Variants in COL24A1 observed in about 807,000 individuals in gnomAD.
COL24A1 encodes collagen alpha-1(XXIV) chain.
COL24A1 carries 224 observed loss-of-function variants against 253.9 expected under a neutral mutation model. The ratio of observed to expected loss-of-function variants is 0.88; its 90% CI spans 0.79 to 0.99. The LOEUF is 0.99. Ranked by LOEUF, COL24A1 falls within the 50% of genes least tolerant of loss-of-function variation. COL24A1 has a pLI of 0.00. For synonymous variants in COL24A1, 685 were observed against 673.7 expected (o/e 1.02, Z -0.26); for missense variants, 2,131 against 2,068.5 (o/e 1.03, Z -0.59).
At chr1:85,891,304 T>G (rs905542884) in intron 31 of COL24A1, among the ~76,000 whole-genome samples, 3 of 151,254 alleles carry the variant, frequency 2.0e-5, no homozygotes, top group Admixed American at 2.0e-4. Flanking sequence ...GACCTCGTGA[T>G]CCACCCGCCT....
At chr1:85,949,791 T>C (rs1212917987) in intron 24 of COL24A1, among the ~76,000 whole-genome samples, 3 of 152,102 alleles carry the variant, frequency 2.0e-5, no homozygotes, top group African/African-American at 7.2e-5. Context: ...AATTCAATGA[T>C]CTCCTTACGC....
At chr1:86,019,937 T>C (rs1463709913) in intron 18 of COL24A1, among the ~76,000 whole-genome samples, 1 of 152,178 alleles carries the variant, frequency 6.6e-6, no homozygotes, top group Non-Finnish European at 1.5e-5. Context: ...TCTCTGCCTT[T>C]TCTTTAGCTT....
intron 14 of COL24A1, among the ~76,000 whole-genome samples, chr1:86,029,431 T>G (rs1247237200): frequency 6.6e-6 from 1 of 152,208 alleles, no homozygotes; most frequent in Admixed American, 6.5e-5. Context: ...TTATTACTAC[T>G]ACTACAAATC....
intron 7 of COL24A1, among the ~76,000 whole-genome samples, chr1:86,077,231 CAT>C (rs1702314179): frequency 6.6e-6 from 1 of 152,062 alleles, no homozygotes; most frequent in African/African-American, 2.4e-5. Context: ...AGCCAACACA[CAT>C]ATGAAAAAAA....
chr1:86,049,821 T>A (rs1305790922), intron 11 of COL24A1, among the ~76,000 whole-genome samples: 1 of 152,168 alleles, frequency 6.6e-6, no homozygotes, highest in Non-Finnish European at 1.5e-5. Flanking sequence ...CATATACTTT[T>A]GTAATTCATT....
Position 85,939,830 on chromosome 1 carries a change from T to A in COL24A1, c.2562+21419A>T, listed in dbSNP as rs147666749. Among the ~76,000 whole-genome samples the A allele has an allele frequency of 3.3e-4, 51 of 152,252 alleles. No individual in the cohort carries two copies. In the East Asian group the frequency reaches 7.3e-3, roughly 22 times the overall value. On this transcript the variant is annotated intron_variant, in intron 24 of 59. Transcript: ENST00000370571. ...TCAAATAAACCAGATGAGGAAATGA[T>A]GTAGCACAGAGATTATACTGAATCA...
intron 8 of COL24A1, among the ~76,000 whole-genome samples, chr1:86,059,485 T>A (rs942360997): frequency 6.6e-6 from 1 of 152,122 alleles, no homozygotes; most frequent in Non-Finnish European, 1.5e-5. Context: ...TACCAGTAAC[T>A]TTTTTACCAG....
chr1:85,786,226 G>C (rs769612773), intron 48 of COL24A1, 128 bp downstream of exon 48: 173 of 691,028 alleles, frequency 2.5e-4, no homozygotes, highest in Non-Finnish European at 3.6e-4. Flanking sequence ...TTTTCCTAAC[G>C]TGCTTTTACT....
intron 19 of COL24A1, among the ~76,000 whole-genome samples, chr1:86,015,571 C>T (rs629683): frequency 0.22 from 34,158 of 151,924 alleles, 4,515 homozygotes; most frequent in African/African-American, 0.36. Context: ...GTACATATCA[C>T]CTGTAACTGC....
At chr1:85,951,828 C>T (rs1449441160) in intron 24 of COL24A1, among the ~76,000 whole-genome samples, 2 of 152,082 alleles carry the variant, frequency 1.3e-5, no homozygotes, top group Admixed American at 6.5e-5. Context: ...AACCTTGTAT[C>T]TCAGCTGTTA....
chr1:86,048,366 T>G (rs1700063376), intron 11 of COL24A1, among the ~76,000 whole-genome samples: 1 of 152,214 alleles, frequency 6.6e-6, no homozygotes, highest in South Asian at 2.1e-4. Flanking sequence ...CGTAACACCC[T>G]TTTAGCTACA....
intron 16 of COL24A1, 43 bp from the exon 17 acceptor site, chr1:86,022,634 AC>A: frequency 6.4e-7 from 1 of 1,561,558 alleles, no homozygotes; most frequent in African/African-American, 1.4e-5. Flanking sequence ...TGTATCACAA[AC>A]ATGGCAATAT....
At chr1:86,129,449 AT>A (rs950808410) in intron 2 of COL24A1, among the ~76,000 whole-genome samples, 23 of 147,408 alleles carry the variant, frequency 1.6e-4, no homozygotes, top group South Asian at 1.1e-3. Flanking sequence ...ATCTCTTCCC[AT>A]TTTTTTTTGT....
intron 31 of COL24A1, among the ~76,000 whole-genome samples, chr1:85,890,117 A>C (rs999170706): frequency 4.6e-5 from 7 of 152,194 alleles, no homozygotes; most frequent in Non-Finnish European, 7.4e-5. Flanking sequence ...CACTGTATGC[A>C]TATTCCACAT....
chr1:85,852,011 T>C (rs753392482), intron 37 of COL24A1, among the ~76,000 whole-genome samples: 77 of 152,254 alleles, frequency 5.1e-4, no homozygotes, highest in Admixed American at 5.2e-4. Context: ...TCATAAAATA[T>C]TATCTTAAAT....
chr1:86,094,675 C>A (rs922325429), intron 5 of COL24A1, among the ~76,000 whole-genome samples: 4 of 151,588 alleles, frequency 2.6e-5, no homozygotes, highest in Admixed American at 2.6e-4. Flanking sequence ...ACCTCTTTTT[C>A]ATCATAGCCA....
intron 3 of COL24A1, among the ~76,000 whole-genome samples, chr1:86,117,544 G>A (rs1440034002): frequency 6.6e-6 from 1 of 152,050 alleles, no homozygotes; most frequent in Non-Finnish European, 1.5e-5. Context: ...TTAGATACTG[G>A]GGGGAAAAAG....
chr1:85,825,488 G>A lies in COL24A1; in HGVS notation c.3682-1750C>T, dbSNP rs564546460. Among the ~76,000 whole-genome samples the A allele has an allele frequency of 3.3e-5, 5 of 152,250 alleles. No individual in the cohort carries two copies. In the East Asian group the frequency reaches 9.6e-4, roughly 29 times the overall value. On this transcript the variant is annotated intron_variant, in intron 43 of 59. Coordinates refer to ENST00000370571, the MANE Select transcript of COL24A1 (RefSeq NM_152890.7). ...GATATTTGTAGTTCTAGATCCCTGA[G>A]GAATCACCACACTGACTCCCACAAT...
chr1:86,015,237 C>T (rs1409903769), intron 19 of COL24A1, among the ~76,000 whole-genome samples: 2 of 152,148 alleles, frequency 1.3e-5, no homozygotes, highest in Non-Finnish European at 2.9e-5. Context: ...AATCTAGCAT[C>T]AGTTCTTGAC....
Sources: allele counts gnomAD v4.1 joint callset (sites outside exome capture counted in the v4.1 genomes callset), GRCh38; gene constraint gnomAD v4.1.1; transcripts MANE v1.5; gene names NCBI Gene and HGNC (gene_info 2026-07-23, HGNC 2026-07-21).